The following STK32B variants were observed in gnomAD, a reference collection of about 807,000 sequenced individuals.
STK32B encodes the protein serine/threonine-protein kinase 32B.
In STK32B, 43 loss-of-function variants were observed where a neutral mutation model predicts 52.6. The observed-to-expected ratio is 0.82, with a 90% CI of 0.64 to 1.05. The LOEUF (loss-of-function observed/expected upper bound fraction) is 1.05, where lower values mean the gene tolerates loss of function less well. Ranked by LOEUF, STK32B falls within the 50% of genes least tolerant of loss-of-function variation. The pLI, the probability that STK32B is intolerant of heterozygous loss-of-function variation, is 0.00. For synonymous variants in STK32B, 238 were observed against 204.3 expected (o/e 1.17, Z -1.41); for missense variants, 621 against 534.6 (o/e 1.16, Z -1.59).
intron 7 of STK32B, among the ~76,000 whole-genome samples, chr4:5,447,868 G>A (rs142076945): frequency 3.9e-5 from 6 of 152,308 alleles, no homozygotes; most frequent in Non-Finnish European, 7.4e-5. Flanking sequence ...TAGCACCAGT[G>A]CCCAGCACAG....
At chr4:5,430,732 C>G (rs1411345400) in intron 6 of STK32B, among the ~76,000 whole-genome samples, 1 of 152,176 alleles carries the variant, frequency 6.6e-6, no homozygotes, top group Non-Finnish European at 1.5e-5. Flanking sequence ...TTGAGTCAAT[C>G]TAATTAGTAG....
chr4:5,197,108 C>T (rs1721740194), intron 3 of STK32B, among the ~76,000 whole-genome samples: 2 of 152,128 alleles, frequency 1.3e-5, no homozygotes, highest in Non-Finnish European at 2.9e-5. Flanking sequence ...CAGATGTCTG[C>T]AGGGGAAGGC....
At chr4:5,482,834 A>G (rs866656481) in intron 11 of STK32B, among the ~76,000 whole-genome samples, 118 of 152,180 alleles carry the variant, frequency 7.8e-4, no homozygotes, top group African/African-American at 2.7e-3. Flanking sequence ...TTCTGCATCT[A>G]TTGAGATAAT....
chr4:5,247,908 A>T (rs895987958), intron 3 of STK32B, among the ~76,000 whole-genome samples: 3 of 151,948 alleles, frequency 2.0e-5, no homozygotes, highest in Non-Finnish European at 4.4e-5. Context: ...TCTTGCATAG[A>T]CCCAGGGCCT....
At chr4:5,315,454 A>G (rs928905427) in intron 3 of STK32B, among the ~76,000 whole-genome samples, 1 of 152,136 alleles carries the variant, frequency 6.6e-6, no homozygotes, top group African/African-American at 2.4e-5. Flanking sequence ...TATGTCAAAC[A>G]CTGCTTCAAG....
chr4:5,107,360 A>C (rs1370990527), intron 1 of STK32B, among the ~76,000 whole-genome samples: 1 of 152,200 alleles, frequency 6.6e-6, no homozygotes, highest in East Asian at 1.9e-4. Context: ...ATAGAAATAA[A>C]GTGCACAATG....
At position 5,459,036 on chromosome 4, in the gene STK32B, C is replaced by G. The variant is rs1049988238; in HGVS notation, c.784-1067C>G. Among the ~76,000 whole-genome samples, 7 of 152,192 alleles carry G rather than the reference C, an allele frequency of 4.6e-5. No homozygotes were observed. The South Asian group carries it at 1.0e-3, about 22-fold the overall frequency. ...TCTGGACATCAGCATGTTTTCAGAA[C>G]AGCTGCCCTGAACAGTGAACTTCCA... On this transcript the variant is annotated intron_variant, in intron 8 of 11. Transcript: ENST00000282908.
In STK32B at chr4:5,274,063, A is replaced by C. The variant is rs569097903; in HGVS notation, c.261-57157A>C. On this transcript the variant is annotated intron_variant, in intron 3 of 11. Transcript: ENST00000282908. ...TATTGCTAAGCTGTCAGTTCTTTGC[A>C]AATTTATCCATATATTCCACACAAT... 9.8e-4 allele frequency among the ~76,000 whole-genome samples: 150 copies of C among 152,342 alleles called. 1 individual carries two copies. The highest frequency in any genetic ancestry group is 3.5e-3 in the African/African-American group (146 of 41,592).
chr4:5,425,456 CCATT>C (rs35251788), intron 6 of STK32B, among the ~76,000 whole-genome samples: 52,870 of 151,574 alleles, frequency 0.35, 9,993 homozygotes, highest in Non-Finnish European at 0.43. Flanking sequence ...TTCCTGAGAA[CCATT>C]CATTCATTCA....
chr4:5,493,387 C>G (rs1161738356), intron 11 of STK32B, among the ~76,000 whole-genome samples: 49 of 152,140 alleles, frequency 3.2e-4, no homozygotes, highest in Non-Finnish European at 2.1e-4. Flanking sequence ...GTAGTATTCT[C>G]TGATGGTAGT....
At chr4:5,050,360 G>T (rs1334367506), upstream of STK32B, among the ~76,000 whole-genome samples, 1 of 152,092 alleles carries the variant, frequency 6.6e-6, no homozygotes, top group Non-Finnish European at 1.5e-5. Context: ...GGTCATGGTG[G>T]GTGGGCCTGC....
upstream of STK32B, among the ~76,000 whole-genome samples, chr4:5,051,075 T>G (rs1338583990): frequency 3.4e-4 from 51 of 151,964 alleles, 1 homozygote; most frequent in Admixed American, 3.3e-3. Flanking sequence ...CAGCGTCGGT[T>G]GGAGAGCCAG....
the STK32B span, among the ~76,000 whole-genome samples, chr4:5,024,775 T>C: frequency 6.6e-6 from 1 of 152,238 alleles, no homozygotes; most frequent in Non-Finnish European, 1.5e-5. Context: ...GGACTCTTAA[T>C]GCCTCCCAGA....
chr4:5,221,701 C>A (rs1043329671), intron 3 of STK32B, among the ~76,000 whole-genome samples: 4 of 151,838 alleles, frequency 2.6e-5, no homozygotes, highest in African/African-American at 9.7e-5. Flanking sequence ...ACTAAAAATA[C>A]AAAAATTAGC....
Position 5,399,865 on chromosome 4 carries a change from C to T in STK32B, c.472+1621C>T, listed in dbSNP as rs1417655333. 1.3e-5 allele frequency among the ~76,000 whole-genome samples: 2 copies of T among 152,136 alleles called. No individual in the cohort carries two copies. The highest frequency in any genetic ancestry group is 2.9e-5 in the Non-Finnish European group (2 of 68,022). The stretch of plus-strand genomic sequence containing the variant: ...GCCCTCTTCCTGTCCCCTTTCTCTG[C>T]TCAGGGCCAGGCAAGGTCAAATCAC... On this transcript the variant is annotated intron_variant, in intron 5 of 11. Coordinates refer to ENST00000282908, the MANE Select transcript of STK32B (RefSeq NM_018401.3). This position sits in a 1 kb window ranked among gnomAD's most constrained non-coding sequence, Gnocchi z 5.4.
chr4:5,094,653 G>A (rs757709883), intron 1 of STK32B, among the ~76,000 whole-genome samples: 5 of 152,082 alleles, frequency 3.3e-5, no homozygotes, highest in African/African-American at 4.8e-5. Flanking sequence ...AGACCCTGTT[G>A]CTATAAAAGA....
intron 3 of STK32B, among the ~76,000 whole-genome samples, chr4:5,233,764 G>C (rs927183953): frequency 6.6e-6 from 1 of 151,572 alleles, no homozygotes; most frequent in African/African-American, 2.4e-5. Context: ...GGATAGAGAG[G>C]AAAGCTGAGA....
intron 3 of STK32B, among the ~76,000 whole-genome samples, chr4:5,296,898 G>A (rs1729239758): frequency 6.6e-6 from 1 of 151,840 alleles, no homozygotes; most frequent in African/African-American, 2.4e-5. Flanking sequence ...GCAATTCCTG[G>A]TTTGCAGTGG....
upstream of STK32B, among the ~76,000 whole-genome samples, chr4:5,050,970 A>G (rs1741745004): frequency 6.6e-6 from 1 of 152,174 alleles, no homozygotes; most frequent in Non-Finnish European, 1.5e-5. Context: ...TTCCCCATGT[A>G]CAATGAAGGG....
Sources: gnomAD v4.1 joint callset for allele counts (sites outside exome capture counted in the v4.1 genomes callset) on GRCh38, gnomAD v4.1.1 for gene constraint, Gnocchi (gnomAD v3.1) non-coding constraint, MANE v1.5 for transcripts, NCBI Gene and HGNC (gene_info 2026-07-23, HGNC 2026-07-21) for gene names.